Variants in AKAP19 observed in about 807,000 individuals in gnomAD.
AKAP19 encodes A-kinase anchoring protein 19.
chr2:190,168,752 AC>A, the AKAP19 span, among the ~76,000 whole-genome samples: 1 of 152,168 alleles, frequency 6.6e-6, no homozygotes, highest in Non-Finnish European at 1.5e-5. Flanking sequence ...AACAAGAGTC[AC>A]TTTTGCTCCA....
chr2:189,892,704 C>T, the AKAP19 span, among the ~76,000 whole-genome samples: 1 of 152,192 alleles, frequency 6.6e-6, no homozygotes, highest in Non-Finnish European at 1.5e-5. Context: ...TCAGGAGGCA[C>T]AGGGGTCAGA....
At chr2:190,080,710 C>T in the AKAP19 span, among the ~76,000 whole-genome samples, 1 of 152,206 alleles carries the variant, frequency 6.6e-6, no homozygotes, top group Non-Finnish European at 1.5e-5. Flanking sequence ...CCAGGCACAT[C>T]TTGTGAAGAT....
the AKAP19 span, among the ~76,000 whole-genome samples, chr2:189,942,716 G>A: frequency 6.6e-6 from 1 of 152,238 alleles, no homozygotes; most frequent in Admixed American, 6.5e-5. Context: ...AGATGGAAAT[G>A]AGGAACTTAT....
chr2:189,996,408 G>T, the AKAP19 span, among the ~76,000 whole-genome samples: 1 of 152,014 alleles, frequency 6.6e-6, no homozygotes, highest in African/African-American at 2.4e-5. Flanking sequence ...AGTGCAGTTT[G>T]TATTTCTCTG....
At chr2:190,052,153 A>G in the AKAP19 span, among the ~76,000 whole-genome samples, 4 of 151,986 alleles carry the variant, frequency 2.6e-5, no homozygotes, top group African/African-American at 9.7e-5. Context: ...TTTTTATCCC[A>G]TGGCACCTGG....
chr2:189,891,519 G>A, the AKAP19 span, among the ~76,000 whole-genome samples: 3 of 151,934 alleles, frequency 2.0e-5, no homozygotes, highest in Admixed American at 1.3e-4. Flanking sequence ...CACCAAACCC[G>A]GCCGAAAATT....
At chr2:190,192,771 GTGTTCA>G in the AKAP19 span, among the ~76,000 whole-genome samples, 1 of 152,024 alleles carries the variant, frequency 6.6e-6, no homozygotes. Context: ...TTATCCCTAA[GTGTTCA>G]TGTTTTTGAT....
chr2:190,169,810 C>A, the AKAP19 span, among the ~76,000 whole-genome samples: 2 of 152,130 alleles, frequency 1.3e-5, no homozygotes, highest in African/African-American at 2.4e-5. Context: ...AAGAGTAGAA[C>A]AAATGGCTTT....
chr2:189,898,798 G>T, the AKAP19 span, among the ~76,000 whole-genome samples: 2 of 152,094 alleles, frequency 1.3e-5, no homozygotes, highest in East Asian at 3.8e-4. Context: ...GTCCCTTCTA[G>T]TACTACCCAG....
At chr2:190,172,213 A>C in the AKAP19 span, among the ~76,000 whole-genome samples, 5 of 152,176 alleles carry the variant, frequency 3.3e-5, no homozygotes, top group Non-Finnish European at 7.3e-5. Flanking sequence ...CTCATGGTTC[A>C]GATCCAAACT....
chr2:190,036,081 T>G, the AKAP19 span, among the ~76,000 whole-genome samples: 1 of 152,196 alleles, frequency 6.6e-6, no homozygotes, highest in Non-Finnish European at 1.5e-5. Flanking sequence ...TTCAAATTTT[T>G]TAGCGTTAAA....
the AKAP19 span, among the ~76,000 whole-genome samples, chr2:189,939,469 C>A: frequency 6.6e-5 from 10 of 152,100 alleles, no homozygotes; most frequent in South Asian, 1.7e-3. Context: ...CTAATAAAAA[C>A]CAAAACATGC....
At chr2:189,889,934 C>A in the AKAP19 span, among the ~76,000 whole-genome samples, 121 of 152,260 alleles carry the variant, frequency 7.9e-4, 1 homozygote, top group Non-Finnish European at 5.9e-5. Flanking sequence ...TTCAGTTCTG[C>A]TGTGATCTTA....
At chr2:189,910,036 G>A in the AKAP19 span, among the ~76,000 whole-genome samples, 4 of 151,968 alleles carry the variant, frequency 2.6e-5, no homozygotes, top group African/African-American at 9.6e-5. Context: ...ATAAGGTCTT[G>A]TGTTATTGGA....
the AKAP19 span, among the ~76,000 whole-genome samples, chr2:190,148,680 G>T: frequency 6.6e-6 from 1 of 152,076 alleles, no homozygotes; most frequent in African/African-American, 2.4e-5. Flanking sequence ...TTTTAATCTT[G>T]CTGCTTGTTA....
chr2:189,996,362 T>C, the AKAP19 span, among the ~76,000 whole-genome samples: 1 of 152,212 alleles, frequency 6.6e-6, no homozygotes, highest in African/African-American at 2.4e-5. Context: ...TGAAGTTCTT[T>C]CTTCTACTTG....
chr2:189,994,626 T>G, the AKAP19 span, among the ~76,000 whole-genome samples: 1 of 151,656 alleles, frequency 6.6e-6, no homozygotes, highest in Non-Finnish European at 1.5e-5. Flanking sequence ...TGAGATGGAG[T>G]CTCATTCTGT....
At chr2:189,973,081 C>A in the AKAP19 span, among the ~76,000 whole-genome samples, 2 of 152,150 alleles carry the variant, frequency 1.3e-5, no homozygotes, top group Non-Finnish European at 2.9e-5. Flanking sequence ...GGGAATGCTT[C>A]CAGTTTTTGC....
At chr2:190,009,231 A>G in the AKAP19 span, among the ~76,000 whole-genome samples, 1 of 152,174 alleles carries the variant, frequency 6.6e-6, no homozygotes, top group East Asian at 1.9e-4. Context: ...GTGGATGGCC[A>G]TTAGAGGAAT....
Sources: allele counts gnomAD v4.1 joint callset (sites outside exome capture counted in the v4.1 genomes callset), GRCh38; gene constraint gnomAD v4.1.1; transcripts MANE v1.5; gene names NCBI Gene and HGNC (gene_info 2026-07-23, HGNC 2026-07-21).